CNOT4: variants seen among roughly 807,000 people sequenced by gnomAD.
The protein encoded by CNOT4 is CCR4-NOT transcription complex subunit 4.
CNOT4 carries 8 observed loss-of-function variants against 73.8 expected under a neutral mutation model. The observed-to-expected ratio is 0.11, with a 90% confidence interval of 0.06 to 0.20. The LOEUF (loss-of-function observed/expected upper bound fraction) is 0.20. Among genes scored for constraint, CNOT4 ranks in the 10% least tolerant of loss-of-function variants. CNOT4 has a pLI of 1.00. For synonymous variants in CNOT4, 293 were observed against 321.1 expected (o/e 0.91, Z 0.94); for missense variants, 564 against 883.4 (o/e 0.64, Z 4.58).
intron 1 of CNOT4, among the ~76,000 whole-genome samples, chr7:135,444,144 AAATAATAATAAT>A (rs140965410): frequency 6.0e-5 from 9 of 149,528 alleles, no homozygotes; most frequent in African/African-American, 9.8e-5. Context: ...CTGTTTCAAA[AAATAATAATAAT>A]AATAATAATA....
intron 10 of CNOT4, among the ~76,000 whole-genome samples, chr7:135,367,055 A>C (rs1467038350): frequency 6.6e-6 from 1 of 152,072 alleles, no homozygotes; most frequent in Non-Finnish European, 1.5e-5. Flanking sequence ...TGTCCTAAGC[A>C]CTGTGGGAGG....
Position 135,422,124 on chromosome 7 carries a change from A to G in CNOT4, c.372+32T>C, listed in dbSNP as rs376186966. On this transcript the variant is annotated intron_variant, in intron 3 of 11. Coordinates refer to ENST00000541284, the MANE Select transcript of CNOT4 (RefSeq NM_001190850.2). ...CAAGTAAGACAAGGAAACAAAAAAT[A>G]TCAAGATGACAAAGAAAACAAGAGG... 3 of 1,344,308 alleles carry G rather than the reference A, an allele frequency of 2.2e-6. No homozygotes were observed. The Admixed American group carries it at 5.3e-5, about 24-fold the overall frequency. The allele number at this position is 1,344,308 out of a possible 1,614,324, so 83.3% of individuals were successfully genotyped here.
chr7:135,427,238 T>A (rs1798557769), intron 2 of CNOT4, among the ~76,000 whole-genome samples: 1 of 152,200 alleles, frequency 6.6e-6, no homozygotes, highest in South Asian at 2.1e-4. Context: ...TTTACATGTG[T>A]CTTCTCTTTA....
intron 2 of CNOT4, among the ~76,000 whole-genome samples, chr7:135,428,446 T>A (rs114077001): frequency 6.6e-6 from 1 of 152,204 alleles, no homozygotes; most frequent in Non-Finnish European, 1.5e-5. Context: ...ATAATGCTTA[T>A]CTGTTTAAAA....
chr7:135,447,740 A>G (rs1799916466), intron 1 of CNOT4, among the ~76,000 whole-genome samples: 1 of 152,216 alleles, frequency 6.6e-6, no homozygotes, highest in Admixed American at 6.5e-5. Flanking sequence ...ATTTTGGAAG[A>G]GATTCAAAAT....
At chr7:135,409,472 TTAAA>T (rs1439099829) in intron 7 of CNOT4, among the ~76,000 whole-genome samples, 2 of 152,096 alleles carry the variant, frequency 1.3e-5, no homozygotes, top group African/African-American at 4.8e-5. Flanking sequence ...TTTTAATAAT[TTAAA>T]TAATCTTTAC....
intron 1 of CNOT4, among the ~76,000 whole-genome samples, chr7:135,502,832 A>G (rs1460421354): frequency 6.6e-6 from 1 of 151,170 alleles, no homozygotes; most frequent in Non-Finnish European, 1.5e-5. Flanking sequence ...AAAAAAAAAA[A>G]AAGAAAAAAA....
chr7:135,372,934 G>C (rs1795299826), intron 10 of CNOT4, among the ~76,000 whole-genome samples: 2 of 152,170 alleles, frequency 1.3e-5, no homozygotes, highest in Admixed American at 6.5e-5. Flanking sequence ...CATGGTTATA[G>C]AGAGCAGTGA....
chr7:135,405,815 T>C (rs1797249216), intron 7 of CNOT4, among the ~76,000 whole-genome samples: 2 of 152,200 alleles, frequency 1.3e-5, no homozygotes, highest in South Asian at 4.1e-4. Context: ...TCTTAAGATT[T>C]GTACTCTGGC....
At chr7:135,414,544 T>C (rs904530666) in intron 4 of CNOT4, 112 bp from the exon 5 acceptor site, 1 of 586,584 alleles carries the variant, frequency 1.7e-6, no homozygotes. Flanking sequence ...CTATTACTAA[T>C]GACAATAATT....
In CNOT4 at chr7:135,398,171, G is replaced by C. The variant is rs1441781037; in HGVS notation, c.877C>G (p.Gln293Glu). 4 of 1,514,948 alleles carry C rather than the reference G, an allele frequency of 2.6e-6. No homozygotes were observed. The highest frequency in any genetic ancestry group is 3.7e-6 in the Non-Finnish European group (4 of 1,090,742). The allele number at this position is 1,514,948 out of a possible 1,614,324, so 93.8% of individuals were successfully genotyped here. ...LSIGNGDNSQ[Q>E]ISNSDTPSPP... ...GTGATACTGTATTCAAATCTTACCT[G>C]CTGGGAATTATCACCGTTCCCTATA... Residue 293 changes from glutamine (Q) to glutamate (E), a missense_variant and splice_region_variant, in exon 8 of 12, where the codon CAG (glutamine) becomes GAG (glutamate). Physicochemically the swap from Gln to Glu is conservative, Grantham distance 29. Coordinates refer to ENST00000541284, the MANE Select transcript of CNOT4 (RefSeq NM_001190850.2).
At chr7:135,476,401 CCT>C (rs1801997648) in intron 1 of CNOT4, among the ~76,000 whole-genome samples, 1 of 152,052 alleles carries the variant, frequency 6.6e-6, no homozygotes, top group African/African-American at 2.4e-5. Flanking sequence ...ATTTTACGTC[CCT>C]GTCTTATTTT....
intron 2 of CNOT4, 53 bp from the exon 3 acceptor site, chr7:135,422,406 G>GC (rs1798241128): frequency 1.2e-6 from 1 of 816,548 alleles, no homozygotes; most frequent in Admixed American, 2.0e-5. Flanking sequence ...TAAAAAAACT[G>GC]CGTAAGTAAT....
chr7:135,428,730 ATATT>A (rs1798653125), intron 2 of CNOT4, among the ~76,000 whole-genome samples: 1 of 152,140 alleles, frequency 6.6e-6, no homozygotes, highest in Admixed American at 6.5e-5. Context: ...AATCTGAAAA[ATATT>A]TAATCAGAGT....
At chr7:135,365,138 T>G (rs1794845575) in intron 10 of CNOT4, among the ~76,000 whole-genome samples, 2 of 152,236 alleles carry the variant, frequency 1.3e-5, no homozygotes, top group Admixed American at 6.5e-5. Context: ...ATTTTCTTTT[T>G]GAAATTTTGC....
At chr7:135,396,697 G>A (rs1585581641) in intron 8 of CNOT4, among the ~76,000 whole-genome samples, 1 of 151,480 alleles carries the variant, frequency 6.6e-6, no homozygotes, top group African/African-American at 2.4e-5. Context: ...AGAAGAAATT[G>A]AAAGACTTGA....
chr7:135,390,581 TAAC>T (rs1322397180), intron 10 of CNOT4, among the ~76,000 whole-genome samples: 5 of 151,980 alleles, frequency 3.3e-5, no homozygotes, highest in African/African-American at 1.2e-4. Context: ...ATTAAGGAAA[TAAC>T]TACTAATTTT....
At chr7:135,438,522 G>A (rs1799288341) in intron 1 of CNOT4, 99 bp from the exon 2 acceptor site, 2 of 400,710 alleles carry the variant, frequency 5.0e-6, no homozygotes, top group African/African-American at 4.1e-5. Context: ...AATACTGACT[G>A]AGCAACTACT....
rs77114971 is a variant in CNOT4, at chr7:135,486,963, C to T, written c.-93+22926G>A. On this transcript the variant is annotated intron_variant, in intron 1 of 11. Transcript: ENST00000541284. ...TACTAAGATCCAGAAAATTAACAAGCAGTAAAATTTTTGTTTCAGTCTGTC... is the reference window on the plus strand; with the variant it reads ...TACTAAGATCCAGAAAATTAACAAGTAGTAAAATTTTTGTTTCAGTCTGTC... Among the ~76,000 whole-genome samples, 1,171 of 152,144 alleles carry T rather than the reference C, an allele frequency of 7.7e-3. 25 individuals are homozygous for T. Among genetic ancestry groups the T allele is most frequent in the East Asian group, 0.054 (279 of 5,168 alleles).
Sources: gnomAD v4.1 joint callset for allele counts (sites outside exome capture counted in the v4.1 genomes callset) on GRCh38, gnomAD v4.1.1 for gene constraint, MANE v1.5 for transcripts, NCBI Gene and HGNC (gene_info 2026-07-23, HGNC 2026-07-21) for gene names.